ZDHHC20: variants seen among roughly 807,000 people sequenced by gnomAD.
ZDHHC20 encodes zDHHC palmitoyltransferase 20.
In ZDHHC20, 43 loss-of-function variants were observed where a neutral mutation model predicts 57.8. The ratio of observed to expected loss-of-function variants is 0.74; its 90% CI spans 0.58 to 0.96. The LOEUF (loss-of-function observed/expected upper bound fraction) is 0.96. Among genes scored for constraint, ZDHHC20 ranks in the 40% least tolerant of loss-of-function variants. The probability of loss-of-function intolerance (pLI) is 0.00; values close to 1 mark genes in which losing one functional copy is unlikely to be tolerated. For missense variants in ZDHHC20, 391 were observed against 441.1 expected (o/e 0.89, Z 1.02); for synonymous variants, 157 against 153.0 (o/e 1.03, Z -0.19).
intron 1 of ZDHHC20, among the ~76,000 whole-genome samples, chr13:21,458,437 G>A (rs973509038): frequency 6.6e-6 from 1 of 152,094 alleles, no homozygotes; most frequent in Non-Finnish European, 1.5e-5. Context: ...TGCAAAAGCC[G>A]GCTGGATTCA....
intron 1 of ZDHHC20, among the ~76,000 whole-genome samples, chr13:21,435,219 T>C (rs982974232): frequency 5.3e-5 from 8 of 152,136 alleles, no homozygotes; most frequent in African/African-American, 1.9e-4. Flanking sequence ...GTGAAACATC[T>C]GCTTACTTTT....
intron 7 of ZDHHC20, among the ~76,000 whole-genome samples, chr13:21,393,647 TGAGCC>T (rs1383625245): frequency 2.3e-4 from 31 of 137,028 alleles, no homozygotes; most frequent in Non-Finnish European, 4.7e-4. Flanking sequence ...GAGGTTGCAG[TGAGCC>T]GAGATCGCAC....
intron 7 of ZDHHC20, among the ~76,000 whole-genome samples, chr13:21,393,190 T>C (rs951878251): frequency 2.1e-4 from 30 of 140,232 alleles, no homozygotes; most frequent in Non-Finnish European, 3.4e-4. Context: ...TTCTTTTTTC[T>C]TTTTTTTTTT....
At chr13:21,381,354 T>G in intron 11 of ZDHHC20, 80 bp downstream of exon 11, 1 of 1,123,564 alleles carries the variant, frequency 8.9e-7, no homozygotes, top group Non-Finnish European at 1.3e-6. Context: ...TGTTACATTA[T>G]TTTGATTTTT....
intron 3 of ZDHHC20, among the ~76,000 whole-genome samples, chr13:21,417,590 C>T (rs1880139267): frequency 6.6e-6 from 1 of 152,108 alleles, no homozygotes; most frequent in South Asian, 2.1e-4. Context: ...CAGGAGCATG[C>T]CACCACACCC....
At position 21,446,385 on chromosome 13, in the gene ZDHHC20, T is replaced by C. The variant is rs547346039; in HGVS notation, c.118+12669A>G. Among the ~76,000 whole-genome samples, 270 of 152,328 alleles carry C rather than the reference T, an allele frequency of 1.8e-3. 2 individuals are homozygous for C. Among genetic ancestry groups the C allele is most frequent in the African/African-American group, 6.1e-3 (254 of 41,570 alleles). On this transcript the variant is annotated intron_variant, in intron 1 of 12. Coordinates refer to ENST00000400590, the MANE Select transcript of ZDHHC20 (RefSeq NM_001330059.2). Reference sequence around the variant, plus strand: ...TTCCTTCAGATGCTGAGGATATCCTTTTCATGCAATTAGTTTTAAAAGCTT... The same window carrying C: ...TTCCTTCAGATGCTGAGGATATCCTCTTCATGCAATTAGTTTTAAAAGCTT...
At position 21,383,509 on chromosome 13, in the gene ZDHHC20, C is replaced by T. The variant is rs547168581; in HGVS notation, c.855-500G>A. Among the ~76,000 whole-genome samples, 175 of 152,288 alleles carry T rather than the reference C, an allele frequency of 1.1e-3. 2 individuals carry two copies. In the South Asian group the frequency reaches 0.035, roughly 30 times the overall value. On this transcript the variant is annotated intron_variant, in intron 9 of 12. Transcript: ENST00000400590. Reference sequence around the variant, plus strand: ...TATGTCTTCATTAGCAGTGTGAGAACAGACTAATACCTCTATTGCAGACAT... The same window carrying T: ...TATGTCTTCATTAGCAGTGTGAGAATAGACTAATACCTCTATTGCAGACAT...
rs1432989025 is a variant in ZDHHC20 at position 21,374,003 on chromosome 13, T to G, written c.*2693A>C. The G allele has an allele frequency of 6.6e-6, 1 of 152,270 alleles. No individual in the cohort carries two copies. Among genetic ancestry groups the G allele is most frequent in the East Asian group, 1.9e-4 (1 of 5,202 alleles). 9.4% of individuals were successfully genotyped at this position (152,270 alleles called of 1,614,324 possible). On this transcript the variant is annotated 3_prime_UTR_variant, in exon 13 of 13. Transcript: ENST00000400590. The stretch of plus-strand genomic sequence containing the variant: ...TATTAAAGATGTTAAATAACAAAAA[T>G]TAAAAGAACTGAGAAAGACTATACC...
chr13:21,446,488 C>A (rs1883714138), intron 1 of ZDHHC20, among the ~76,000 whole-genome samples: 1 of 152,148 alleles, frequency 6.6e-6, no homozygotes, highest in Admixed American at 6.5e-5. Context: ...AAAATTAATT[C>A]TTCCTATGAT....
intron 12 of ZDHHC20, chr13:21,377,685 T>C (rs9580096): frequency 0.053 from 8,300 of 157,882 alleles, 301 homozygotes; most frequent in Non-Finnish European, 0.086. Flanking sequence ...CTAGTGCCTG[T>C]GATCTGACTC....
At chr13:21,398,161 G>A (rs967600958) in intron 7 of ZDHHC20, among the ~76,000 whole-genome samples, 2 of 151,924 alleles carry the variant, frequency 1.3e-5, no homozygotes, top group Non-Finnish European at 1.5e-5. Flanking sequence ...AGTACTGGGC[G>A]ACTAAGAAAC....
At chr13:21,445,015 C>A (rs1197953642) in intron 1 of ZDHHC20, among the ~76,000 whole-genome samples, 1 of 152,040 alleles carries the variant, frequency 6.6e-6, no homozygotes, top group African/African-American at 2.4e-5. Context: ...GTGGTCATGC[C>A]AAATGCACTC....
At chr13:21,401,365 G>A (rs1254463007) in intron 6 of ZDHHC20, among the ~76,000 whole-genome samples, 1 of 152,132 alleles carries the variant, frequency 6.6e-6, no homozygotes, top group Admixed American at 6.5e-5. Context: ...GGGTCATCTG[G>A]GAAGTTGAGT....
intron 4 of ZDHHC20, among the ~76,000 whole-genome samples, chr13:21,412,407 G>GA (rs1260657955): frequency 1.1e-4 from 17 of 152,096 alleles, no homozygotes; most frequent in African/African-American, 3.6e-4. Context: ...GGACAGTACA[G>GA]AAAAAATGGG....
At chr13:21,407,548 A>C (rs1374205933) in intron 4 of ZDHHC20, among the ~76,000 whole-genome samples, 1 of 152,170 alleles carries the variant, frequency 6.6e-6, no homozygotes, top group Non-Finnish European at 1.5e-5. Context: ...GATAGATTGC[A>C]AAAATTTTCT....
chr13:21,444,586 T>C (rs1383353015), intron 1 of ZDHHC20, among the ~76,000 whole-genome samples: 1 of 152,198 alleles, frequency 6.6e-6, no homozygotes, highest in Admixed American at 6.5e-5. Context: ...AAATTATTCG[T>C]ATTGGGCCAT....
At position 21,404,363 on chromosome 13, in the gene ZDHHC20, G is replaced by A. The variant is rs1351219419; in HGVS notation, c.371-1497C>T. 8.3e-6 allele frequency: 4 copies of A among 484,684 alleles called. No homozygotes were observed. In the Admixed American group the frequency reaches 8.6e-5, roughly 10 times the overall value. The allele number at this position is 484,684 out of a possible 1,614,324, so 30.0% of individuals were successfully genotyped here. On this transcript the variant is annotated intron_variant, in intron 4 of 12. Coordinates refer to ENST00000400590, the MANE Select transcript of ZDHHC20 (RefSeq NM_001330059.2). ...GAGGCCTAGTTCATAAATCATTAAT[G>A]AAAGGCAATTAGATCTTTCAAACTC...
chr13:21,406,496 T>C (rs1244825199), intron 4 of ZDHHC20, among the ~76,000 whole-genome samples: 2 of 152,172 alleles, frequency 1.3e-5, no homozygotes, highest in African/African-American at 4.8e-5. Context: ...CAATCTGTCA[T>C]CTACAATAGG....
At chr13:21,425,559 C>G in intron 2 of ZDHHC20, 93 bp downstream of exon 2, 1 of 927,618 alleles carries the variant, frequency 1.1e-6, no homozygotes, top group Non-Finnish European at 1.5e-6. Context: ...TTCTAAAAAA[C>G]AAAAACACAT....
Sources: gnomAD v4.1 joint callset for allele counts (sites outside exome capture counted in the v4.1 genomes callset) on GRCh38, gnomAD v4.1.1 for gene constraint, MANE v1.5 for transcripts, NCBI Gene and HGNC (gene_info 2026-07-23, HGNC 2026-07-21) for gene names.